Variants in DLG2 observed in about 807,000 individuals in gnomAD.
DLG2 encodes the protein discs large MAGUK scaffold protein 2.
DLG2 carries 45 observed loss-of-function variants against 132.5 expected under a neutral mutation model. That is an observed-to-expected ratio of 0.34 (90% CI 0.27 to 0.44). The LOEUF is 0.44. DLG2 is among the 20% of genes least tolerant of loss of function. DLG2 has a pLI of 1.00. For synonymous variants in DLG2, 424 were observed against 419.6 expected (o/e 1.01, Z -0.13); for missense variants, 1,045 against 1,196.9 (o/e 0.87, Z 1.87).
At chr11:84,353,525 T>C (rs559820780) in intron 7 of DLG2, among the ~76,000 whole-genome samples, 44 of 152,312 alleles carry the variant, frequency 2.9e-4, no homozygotes, top group African/African-American at 9.4e-4. Context: ...TCCACGTCTC[T>C]AATGAGATTA....
At chr11:85,207,878 C>G (rs1251027122) in intron 4 of DLG2, among the ~76,000 whole-genome samples, 2 of 151,638 alleles carry the variant, frequency 1.3e-5, no homozygotes, top group Non-Finnish European at 2.9e-5. Flanking sequence ...GCTTGATTGC[C>G]CTTTCATGCC....
intron 6 of DLG2, among the ~76,000 whole-genome samples, chr11:84,949,565 G>A (rs974623520): frequency 2.6e-5 from 4 of 152,184 alleles, no homozygotes; most frequent in South Asian, 2.1e-4. Context: ...CCCTAGGTGC[G>A]CATTCTCTTC....
intron 11 of DLG2, among the ~76,000 whole-genome samples, chr11:83,990,170 A>C (rs546852086): frequency 6.6e-6 from 1 of 152,188 alleles, no homozygotes; most frequent in Non-Finnish European, 1.5e-5. Flanking sequence ...AAATCAGTGA[A>C]TATTTCAGTA....
chr11:84,506,079 C>CTTTTTTTTTTTTTTTTTTTTT lies in DLG2; in HGVS notation c.519+28490_519+28491insAAAAAAAAAAAAAAAAAAAAA, dbSNP rs779039240. ...CTAATGTTATGACAGAGGCTCAGTT[C>CTTTTTTTTTTTTTTTTTTTTT]TTTTTTTTTTTTTTGAGACGGAGTC... On this transcript the variant is annotated intron_variant, in intron 7 of 27. Transcript: ENST00000376104. Among the ~76,000 whole-genome samples, 78 of 106,994 alleles carry CTTTTTTTTTTTTTTTTTTTTT rather than the reference C, an allele frequency of 7.3e-4. 6 individuals carry two copies. Among genetic ancestry groups the CTTTTTTTTTTTTTTTTTTTTT allele is most frequent in the African/African-American group, 1.5e-3 (30 of 19,732 alleles). The allele number at this position is 106,994 out of a possible 152,430, so 70.2% of individuals were successfully genotyped here.
At chr11:84,135,794 G>C (rs2094578877) in intron 9 of DLG2, among the ~76,000 whole-genome samples, 1 of 152,156 alleles carries the variant, frequency 6.6e-6, no homozygotes, top group Non-Finnish European at 1.5e-5. Flanking sequence ...CTAAAAGTCA[G>C]TGGGAGCATA....
At chr11:84,503,398 A>C (rs554856879) in intron 7 of DLG2, among the ~76,000 whole-genome samples, 6 of 152,300 alleles carry the variant, frequency 3.9e-5, no homozygotes, top group Non-Finnish European at 8.8e-5. Context: ...GATCAGAACA[A>C]ATGAGTGAAG....
intron 19 of DLG2, 65 bp downstream of exon 19, chr11:83,633,146 T>A (rs1013249083): frequency 1.3e-5 from 18 of 1,436,408 alleles, no homozygotes; most frequent in Non-Finnish European, 1.7e-5. Flanking sequence ...CTACATGGTG[T>A]TGCCTTTGTT....
intron 7 of DLG2, among the ~76,000 whole-genome samples, chr11:84,530,555 C>T (rs1354409067): frequency 1.3e-5 from 2 of 152,082 alleles, no homozygotes; most frequent in Non-Finnish European, 2.9e-5. Context: ...TTGAGTAATG[C>T]AAATCAAAAC....
intron 18 of DLG2, chr11:83,724,923 G>T: frequency 2.8e-6 from 2 of 702,442 alleles, no homozygotes; most frequent in Non-Finnish European, 5.2e-6. Context: ...ATTCAGCTCT[G>T]TTCCCTCCTC....
At chr11:84,716,622 A>T (rs1473964451) in intron 6 of DLG2, among the ~76,000 whole-genome samples, 1 of 151,918 alleles carries the variant, frequency 6.6e-6, no homozygotes, top group Non-Finnish European at 1.5e-5. Context: ...ACAAAGAAAA[A>T]AACCTTTTAG....
intron 3 of DLG2, among the ~76,000 whole-genome samples, chr11:85,394,356 C>T (rs188859680): frequency 1.0e-3 from 153 of 152,230 alleles, no homozygotes; most frequent in African/African-American, 3.4e-3. Flanking sequence ...AACATTAGTA[C>T]GTTTAAAATT....
At chr11:84,059,900 C>T (rs892710756) in intron 10 of DLG2, among the ~76,000 whole-genome samples, 1 of 152,164 alleles carries the variant, frequency 6.6e-6, no homozygotes, top group Admixed American at 6.5e-5. Flanking sequence ...CAATTATTTA[C>T]AGACTAATTT....
At chr11:83,774,601 G>A (rs983328685) in intron 18 of DLG2, among the ~76,000 whole-genome samples, 13 of 152,028 alleles carry the variant, frequency 8.6e-5, no homozygotes, top group African/African-American at 2.7e-4. Context: ...CCATCAGCAG[G>A]AAGTAAGGAA....
intron 19 of DLG2, among the ~76,000 whole-genome samples, chr11:83,618,398 G>A (rs909090762): frequency 6.6e-6 from 1 of 151,996 alleles, no homozygotes; most frequent in Non-Finnish European, 1.5e-5. Context: ...TTGGTATCAC[G>A]GTGATGTTAA....
intron 20 of DLG2, among the ~76,000 whole-genome samples, chr11:83,538,729 G>C (rs1270046768): frequency 6.6e-6 from 1 of 152,192 alleles, no homozygotes; most frequent in Non-Finnish European, 1.5e-5. Flanking sequence ...TTCACTCTCT[G>C]TCTGCTGCCG....
chr11:85,518,992 C>T (rs1233570870), intron 3 of DLG2, among the ~76,000 whole-genome samples: 3 of 152,158 alleles, frequency 2.0e-5, no homozygotes, highest in Admixed American at 1.3e-4. Context: ...TTGGAACCTC[C>T]TCCTAGATTT....
chr11:83,833,760 T>C lies in DLG2; in HGVS notation c.1576A>G (p.Lys526Glu). 4.3e-6 allele frequency: 7 copies of C among 1,613,706 alleles called. No individual in the cohort carries two copies. Among genetic ancestry groups the C allele is most frequent in the Non-Finnish European group, 5.9e-6 (7 of 1,179,796 alleles). The change falls in exon 17 of 28, where the codon AAG (lysine) becomes GAG (glutamate). Residue 526 changes from lysine to glutamate, a missense_variant. By Grantham distance (56) the Lys-to-Glu change is moderately conservative. This residue lies in a region of DLG2 where 261 missense variants were observed against 256.1 expected (regional missense o/e 1.02). Coordinates refer to ENST00000376104, the MANE Select transcript of DLG2 (RefSeq NM_001142699.3). ...RAVSLEGEPRKVVLHKGSTGL... is the reference protein window; with the variant it reads ...RAVSLEGEPREVVLHKGSTGL... ...GTGGAGCCTTTGTGCAGGACTACCT[T>C]GCGAGGCTCTCTGCAGAAAGAAATA...
At chr11:83,937,388 T>A (rs1250579866) in intron 14 of DLG2, among the ~76,000 whole-genome samples, 1 of 151,174 alleles carries the variant, frequency 6.6e-6, no homozygotes, top group Non-Finnish European at 1.5e-5. Flanking sequence ...GTGCCTGTAG[T>A]CCCAGCTACT....
chr11:84,363,019 A>G (rs1471294766), intron 7 of DLG2, among the ~76,000 whole-genome samples: 2 of 151,536 alleles, frequency 1.3e-5, no homozygotes, highest in Non-Finnish European at 3.0e-5. Flanking sequence ...CTTTGGGTAT[A>G]TACCCAGTAA....
Sources: allele counts gnomAD v4.1 joint callset (sites outside exome capture counted in the v4.1 genomes callset), GRCh38; gene constraint gnomAD v4.1.1; regional missense constraint gnomAD v4.1.1; transcripts MANE v1.5; gene names NCBI Gene and HGNC (gene_info 2026-07-23, HGNC 2026-07-21).